IKZF5: variants seen among roughly 807,000 people sequenced by gnomAD.
IKZF5 encodes the protein zinc finger protein Pegasus.
IKZF5 carries 4 observed loss-of-function variants against 30.7 expected under a neutral mutation model. The observed-to-expected ratio is 0.13, with a 90% CI of 0.06 to 0.30. The LOEUF (loss-of-function observed/expected upper bound fraction) is 0.30, where lower values mean the gene tolerates loss of function less well. Among genes scored for constraint, IKZF5 ranks in the 10% least tolerant of loss-of-function variants. IKZF5 has a pLI of 1.00. For missense variants in IKZF5, 348 were observed against 525.5 expected, an observed-to-expected ratio of 0.66 and a Z score of 3.30; for synonymous variants, 148 against 179.6, an observed-to-expected ratio of 0.82 and a Z score of 1.41.
rs1849194380 is a variant in IKZF5 at position 122,992,418 on chromosome 10, T to C, written c.*1362A>G. The C allele has an allele frequency of 6.6e-6, 1 of 152,176 alleles. No homozygotes were observed. Among genetic ancestry groups the C allele is most frequent in the Admixed American group, 6.5e-5 (1 of 15,278 alleles). 9.4% of individuals were successfully genotyped at this position (152,176 alleles called of 1,614,324 possible). On this transcript the variant is annotated 3_prime_UTR_variant, in exon 5 of 5. Transcript: ENST00000368886. Reference sequence around the variant, plus strand: ...ATGAACAAAATTAAAAATAGAATTTTTGCAAAGTACACAGAAAAGAAACCA... The same window carrying C: ...ATGAACAAAATTAAAAATAGAATTTCTGCAAAGTACACAGAAAAGAAACCA...
intron 4 of IKZF5, among the ~76,000 whole-genome samples, chr10:122,995,651 A>C (rs1310056839): frequency 6.6e-6 from 1 of 152,242 alleles, no homozygotes; most frequent in East Asian, 1.9e-4. Context: ...CCCTTTCGGC[A>C]AATGAAACGT....
intron 2 of IKZF5, among the ~76,000 whole-genome samples, chr10:123,000,999 CTCT>C (rs1476555653): frequency 6.7e-6 from 1 of 150,292 alleles, no homozygotes; most frequent in South Asian, 2.1e-4. Context: ...TTTTCGTTTT[CTCT>C]TCTTTTCTTT....
intron 3 of IKZF5, chr10:122,997,402 A>G (rs533806077): frequency 1.0e-4 from 16 of 152,392 alleles, no homozygotes; most frequent in African/African-American, 3.8e-4. Context: ...CATTCGAGGG[A>G]CAAGGCTCAG....
In IKZF5 at chr10:122,993,495, C is replaced by T. The variant is rs1849238505; in HGVS notation, c.*285G>A. 1 of 225,230 alleles carries T rather than the reference C, an allele frequency of 4.4e-6. No homozygotes were observed. Among genetic ancestry groups the T allele is most frequent in the South Asian group, 1.4e-4 (1 of 7,068 alleles). The allele number at this position is 225,230 out of a possible 1,614,324, so 14.0% of individuals were successfully genotyped here. ...TTATGGACCATAAATGTGAGAAATT[C>T]AAATGAACATCTTGTAAGATTATGA... On this transcript the variant is annotated 3_prime_UTR_variant, in exon 5 of 5. Transcript: ENST00000368886.
chr10:122,994,940 G>C lies in IKZF5; in HGVS notation c.317-217C>G. 1 of 550,850 alleles carries C rather than the reference G, an allele frequency of 1.8e-6. No homozygotes were observed. The highest frequency in any genetic ancestry group is 3.2e-6 in the Non-Finnish European group (1 of 313,724). 34.1% of individuals were successfully genotyped at this position (550,850 alleles called of 1,614,324 possible). On this transcript the variant is annotated intron_variant, in intron 4 of 4. Transcript: ENST00000368886. This position sits in a 1 kb window ranked among gnomAD's most constrained non-coding sequence, Gnocchi z 5.6. ...TCAGCAACAACCTGAAATATGCATT[G>C]ATGTTGTATTAGTCAATACAGTATA...
chr10:122,992,641 A>C lies in IKZF5; in HGVS notation c.*1139T>G, dbSNP rs1014189318. The C allele has an allele frequency of 1.3e-5, 2 of 152,212 alleles. No individual in the cohort carries two copies. Among genetic ancestry groups the C allele is most frequent in the African/African-American group, 4.8e-5 (2 of 41,456 alleles). The allele number at this position is 152,212 out of a possible 1,614,324, so 9.4% of individuals were successfully genotyped here. On this transcript the variant is annotated 3_prime_UTR_variant, in exon 5 of 5. Coordinates refer to ENST00000368886, the MANE Select transcript of IKZF5 (RefSeq NM_001372123.1). Reference sequence around the variant, plus strand: ...CACACCTTTTTATCCTTTCTTACTAAAGCGATGATTTAGTTTCTACACAGT... The same window carrying C: ...CACACCTTTTTATCCTTTCTTACTACAGCGATGATTTAGTTTCTACACAGT...
intron 2 of IKZF5, among the ~76,000 whole-genome samples, chr10:123,002,591 G>A (rs1321750921): frequency 7.3e-5 from 11 of 151,114 alleles, no homozygotes; most frequent in Admixed American, 5.3e-4. Flanking sequence ...TTGGGAGGCC[G>A]AGGCAGGCAG....
Position 122,994,188 on chromosome 10 carries a change from C to CT in IKZF5, c.851dup (p.Pro285AlafsTer36). 1 of 1,614,116 alleles carries CT rather than the reference C, an allele frequency of 6.2e-7. No individual in the cohort carries two copies. ...TAGAGGGCTGCTGAATCATGAAAGG[C>CT]TTTTCATCAGGGCAGGGAACTACAT... On this transcript the variant is annotated frameshift_variant, in exon 5 of 5. Coordinates refer to ENST00000368886, the MANE Select transcript of IKZF5 (RefSeq NM_001372123.1). LOFTEE classifies it high-confidence loss of function. This position sits in a 1 kb window ranked among gnomAD's most constrained non-coding sequence, Gnocchi z 5.6.
In IKZF5 at chr10:122,994,796, T is replaced by C. The variant is rs946212530; in HGVS notation, c.317-73A>G. 2 of 1,172,480 alleles carry C rather than the reference T, an allele frequency of 1.7e-6. No homozygotes were observed. The highest frequency in any genetic ancestry group is 2.4e-6 in the Non-Finnish European group (2 of 824,932). The allele number at this position is 1,172,480 out of a possible 1,614,324, so 72.6% of individuals were successfully genotyped here. ...ATGGAAAGTTTTGCTTGTCCATTCA[T>C]TGGACAACTGGAAATTGATCAAAAA... On this transcript the variant is annotated intron_variant, in intron 4 of 4. Transcript: ENST00000368886. The surrounding 1 kb of genome is among the most constrained non-coding windows in gnomAD (Gnocchi z 5.6).
intron 2 of IKZF5, among the ~76,000 whole-genome samples, chr10:123,004,577 G>T (rs1343201254): frequency 6.7e-6 from 1 of 150,260 alleles, no homozygotes; most frequent in Non-Finnish European, 1.5e-5. Flanking sequence ...ACTTCACTGT[G>T]TTCCTTGCCA....
Position 122,994,071 on chromosome 10 carries a change from G to A in IKZF5, c.969C>T (p.Asn323=). 4 of 1,614,144 alleles carry A rather than the reference G, an allele frequency of 2.5e-6. No individual in the cohort carries two copies. The highest frequency in any genetic ancestry group is 2.2e-5 in the East Asian group (1 of 44,874). The change falls in exon 5 of 5, where the codon AAC becomes AAT. Residue 323 remains asparagine (N), a synonymous_variant. Transcript: ENST00000368886. The surrounding 1 kb of genome is among the most constrained non-coding windows in gnomAD (Gnocchi z 5.6). Reference sequence around the variant, plus strand: ...TGCTTGGACCTGCCACTGGACTATAGTTCCTTTGACTATGGGATGGCCGAG... The same window carrying A: ...TGCTTGGACCTGCCACTGGACTATAATTCCTTTGACTATGGGATGGCCGAG... The part of the protein sequence containing the change: ...PEPRPSHSQR[N]YSPVAGPSSE...
At position 123,003,154 on chromosome 10, in the gene IKZF5, C is replaced by T. The variant is rs1315829852; in HGVS notation, c.-47+3872G>A. 2.8e-5 allele frequency among the ~76,000 whole-genome samples: 4 copies of T among 142,418 alleles called. No homozygotes were observed. The Admixed American group carries it at 3.0e-4, about 11-fold the overall frequency. 93.4% of individuals were successfully genotyped at this position (142,418 alleles called of 152,430 possible). On this transcript the variant is annotated intron_variant, in intron 2 of 4. Coordinates refer to ENST00000368886, the MANE Select transcript of IKZF5 (RefSeq NM_001372123.1). ...CAAGCAATTCTCCTGCCTTAGCCTC[C>T]AGAGTAGCTGGGATTACAGGTGCCC...
At position 122,992,680 on chromosome 10, in the gene IKZF5, A is replaced by C. The variant is rs1589713328; in HGVS notation, c.*1100T>G. ...TTTCTACACAGTTTCGTCACTGTAC[A>C]TGAAGACTGGTAAAACTGCAAATAA... On this transcript the variant is annotated 3_prime_UTR_variant, in exon 5 of 5. Transcript: ENST00000368886. The C allele has an allele frequency of 6.6e-6, 1 of 152,348 alleles. No individual in the cohort carries two copies. Among genetic ancestry groups the C allele is most frequent in the Middle Eastern group, 3.4e-3 (1 of 294 alleles). 9.4% of individuals were successfully genotyped at this position (152,348 alleles called of 1,614,324 possible). A position where few individuals can be genotyped will look rare whatever the true frequency, so the allele number is the denominator to read the frequency against.
At chr10:123,008,346 C>T (rs1436644149) in intron 1 of IKZF5, among the ~76,000 whole-genome samples, 1 of 152,158 alleles carries the variant, frequency 6.6e-6, no homozygotes, top group East Asian at 1.9e-4. Context: ...CCCTGGGACC[C>T]CGTGAAGACG....
rs751967769 is a variant in IKZF5, at chr10:122,994,210, A to G, written c.830T>C (p.Val277Ala). ...PENQNPASPD[V>A]VPCPDEKPFM... ...AGGCTTTTCATCAGGGCAGGGAACT[A>G]CATCAGGGGATGCAGGGTTTTGGTT... Residue 277 changes from valine (V) to alanine (A), a missense_variant, in exon 5 of 5, where the codon GTA (valine) becomes GCA (alanine). Physicochemically the swap from Val to Ala is moderately conservative, Grantham distance 64. Around this residue, in one of 4 missense-constraint regions of IKZF5, gnomAD observed 176 missense variants for 198.2 expected, o/e 0.89. Coordinates refer to ENST00000368886, the MANE Select transcript of IKZF5 (RefSeq NM_001372123.1). This position sits in a 1 kb window ranked among gnomAD's most constrained non-coding sequence, Gnocchi z 5.6. The G allele has an allele frequency of 1.9e-6, 3 of 1,613,970 alleles. No individual in the cohort carries two copies. The highest frequency in any genetic ancestry group is 2.5e-6 in the Non-Finnish European group (3 of 1,180,028).
At chr10:122,996,269 G>C (rs773376202) in intron 3 of IKZF5, 93 bp from the exon 4 acceptor site, 3 of 1,074,322 alleles carry the variant, frequency 2.8e-6, no homozygotes, top group South Asian at 1.5e-5. Context: ...CTTATAAATT[G>C]ACAGTTCACT....
Position 122,998,671 on chromosome 10 carries a change from A to G in IKZF5, c.-46T>C, listed in dbSNP as rs763593826. The G allele has an allele frequency of 6.4e-7, 1 of 1,572,644 alleles. No homozygotes were observed. The highest frequency in any genetic ancestry group is 1.1e-5 in the South Asian group (1 of 88,280). ...CAGTTTGTTAGACCTAGAAAACAAA[A>G]CTGAAACAATTTTACACTATTTAGG... On this transcript the variant is annotated splice_region_variant and 5_prime_UTR_variant, in exon 3 of 5. Transcript: ENST00000368886.
At chr10:123,006,046 T>C (rs1463887911) in intron 2 of IKZF5, among the ~76,000 whole-genome samples, 1 of 152,182 alleles carries the variant, frequency 6.6e-6, no homozygotes, top group Non-Finnish European at 1.5e-5. Context: ...CCATGGGGTG[T>C]AGGTGGATAT....
At chr10:122,995,951 C>T in intron 4 of IKZF5, 43 bp downstream of exon 4, 1 of 1,598,998 alleles carries the variant, frequency 6.3e-7, no homozygotes, top group Non-Finnish European at 8.5e-7. Context: ...TGGCCCCTCT[C>T]CTGCCCTCAC....
Sources: gnomAD v4.1 joint callset for allele counts (sites outside exome capture counted in the v4.1 genomes callset) on GRCh38, gnomAD v4.1.1 for gene constraint, gnomAD v4.1.1 regional missense constraint, Gnocchi (gnomAD v3.1) non-coding constraint, MANE v1.5 for transcripts, NCBI Gene and HGNC (gene_info 2026-07-23, HGNC 2026-07-21) for gene names.